The following CHD6 variants were observed in gnomAD, a reference collection of about 807,000 sequenced individuals.
The protein encoded by CHD6 is ATP-dependent chromatin remodeler CHD6.
Under a neutral mutation model 276.9 loss-of-function variants are expected in CHD6, and 50 were observed. That is an observed-to-expected ratio of 0.18 (90% CI 0.14 to 0.23). The LOEUF is 0.23. Ranked by LOEUF, CHD6 falls within the 10% of genes least tolerant of loss-of-function variation. The pLI is 1.00. For missense variants in CHD6, 2,564 were observed against 3,365.8 expected (o/e 0.76, Z 5.89); for synonymous variants, 1,173 against 1,229.3 (o/e 0.95, Z 0.96).
chr20:41,512,782 C>CAA, intron 5 of CHD6, 64 bp downstream of exon 5: 2 of 1,582,226 alleles, frequency 1.3e-6, no homozygotes, highest in Non-Finnish European at 1.7e-6. Flanking sequence ...CCAAGAAACA[C>CAA]GTCTGTCATC....
At chr20:41,497,543 G>T in intron 7 of CHD6, 42 bp from the exon 8 acceptor site, 1 of 1,320,036 alleles carries the variant, frequency 7.6e-7, no homozygotes, top group Non-Finnish European at 1.1e-6. Context: ...CACATAACTA[G>T]CAAATGATCG....
intron 27 of CHD6, among the ~76,000 whole-genome samples, chr20:41,429,271 C>T (rs975724961): frequency 6.6e-6 from 1 of 152,216 alleles, no homozygotes; most frequent in Non-Finnish European, 1.5e-5. Flanking sequence ...CAATTTCAGG[C>T]TCCAGACCAT....
rs1039436952 is a variant in CHD6, at chr20:41,514,680, G to A, written c.702+125C>T. The A allele has an allele frequency of 6.2e-6, 7 of 1,121,340 alleles. No individual in the cohort carries two copies. In the African/African-American group the frequency reaches 1.1e-4, roughly 17 times the overall value. 69.5% of individuals were successfully genotyped at this position (1,121,340 alleles called of 1,614,324 possible). A position where few individuals can be genotyped will look rare whatever the true frequency, so the allele number is the denominator to read the frequency against. On this transcript the variant is annotated intron_variant, in intron 4 of 36. Coordinates refer to ENST00000373233, the MANE Select transcript of CHD6 (RefSeq NM_032221.5). ...GTCTACCTGCTCACCCACCAAAACGGTAAAAGCCCAGCCCAGGGCTAGGGA... is the reference window on the plus strand; with the variant it reads ...GTCTACCTGCTCACCCACCAAAACGATAAAAGCCCAGCCCAGGGCTAGGGA...
In CHD6 at chr20:41,499,331, G is replaced by A. The variant is rs747494106; in HGVS notation, c.879C>T (p.Ile293=). The A allele has an allele frequency of 5.7e-5, 92 of 1,606,226 alleles. No homozygotes were observed. Among genetic ancestry groups the A allele is most frequent in the Admixed American group, 2.5e-4 (15 of 59,388 alleles). ...AEEPPEDDAN[I]IEKILASKTV... is the part of the protein sequence containing the mutation. Reference sequence around the variant, plus strand: ...TCTTAGATGCCAGGATCTTCTCAATGATGTTTGCATCATCTTCTGGAGGCT... The same window carrying A: ...TCTTAGATGCCAGGATCTTCTCAATAATGTTTGCATCATCTTCTGGAGGCT... The change falls in exon 6 of 37, where the codon ATC becomes ATT. Residue 293 remains isoleucine (I), a synonymous_variant. Transcript: ENST00000373233.
intron 27 of CHD6, among the ~76,000 whole-genome samples, chr20:41,427,177 A>G (rs1447095611): frequency 6.6e-6 from 1 of 151,390 alleles, no homozygotes; most frequent in Non-Finnish European, 1.5e-5. Flanking sequence ...TTTACTTGCT[A>G]CTTCCTGGAA....
Position 41,402,564 on chromosome 20 carries a change from T to G in CHD6, c.*2029A>C, listed in dbSNP as rs1356904599. On this transcript the variant is annotated 3_prime_UTR_variant, in exon 37 of 37. Coordinates refer to ENST00000373233, the MANE Select transcript of CHD6 (RefSeq NM_032221.5). ...ACCAGACTCTGCTGGATGTCTATAATACTCATTTGCAGTAAGGCTTTCAAG... is the reference window on the plus strand; with the variant it reads ...ACCAGACTCTGCTGGATGTCTATAAGACTCATTTGCAGTAAGGCTTTCAAG... 2 of 228,992 alleles carry G rather than the reference T, an allele frequency of 8.7e-6. No individual in the cohort carries two copies. The highest frequency in any genetic ancestry group is 2.2e-5 in the African/African-American group (1 of 45,126). The allele number at this position is 228,992 out of a possible 1,614,324, so 14.2% of individuals were successfully genotyped here. A position where few individuals can be genotyped will look rare whatever the true frequency, so the allele number is the denominator to read the frequency against.
rs74740314 is a variant in CHD6 at position 41,413,491 on chromosome 20, C to T, written c.6964G>A (p.Ala2322Thr). 6.0e-4 allele frequency: 962 copies of T among 1,591,822 alleles called. 4 individuals are homozygous for T. The African/African-American group carries it at 0.011, about 17-fold the overall frequency. ...ILEVHEDPGQ[A>T]TLSTTHPEGP... Reference sequence around the variant, plus strand: ...TCAGGGTGTGTGGTGCTCAAGGTGGCCTGCCCTGGGTCTTCATGGACTTCC... The same window carrying T: ...TCAGGGTGTGTGGTGCTCAAGGTGGTCTGCCCTGGGTCTTCATGGACTTCC... Residue 2322 changes from alanine (A) to threonine (T), a missense_variant, in exon 35 of 37, where the codon GCC becomes ACC. Coordinates refer to ENST00000373233, the MANE Select transcript of CHD6 (RefSeq NM_032221.5).
intron 1 of CHD6, among the ~76,000 whole-genome samples, chr20:41,578,540 C>G (rs2903376): frequency 6.6e-6 from 1 of 151,576 alleles, no homozygotes; most frequent in African/African-American, 2.4e-5. Context: ...ATTAGCTGGG[C>G]GTAGGGGCAG....
intron 15 of CHD6, 73 bp downstream of exon 15, chr20:41,484,279 G>A: frequency 6.6e-7 from 1 of 1,525,654 alleles, no homozygotes; most frequent in South Asian, 1.2e-5. Flanking sequence ...CAATACATGA[G>A]TTATTTGATT....
intron 17 of CHD6, among the ~76,000 whole-genome samples, chr20:41,468,792 A>G (rs1194738189): frequency 6.6e-6 from 1 of 152,042 alleles, no homozygotes; most frequent in Non-Finnish European, 1.5e-5. Flanking sequence ...AGGTGGGTGG[A>G]TCACTTGAGC....
At position 41,452,258 on chromosome 20, in the gene CHD6, A is replaced by G. The variant is rs2048261421; in HGVS notation, c.3324-233T>C. Among the ~76,000 whole-genome samples the G allele has an allele frequency of 6.6e-6, 1 of 152,174 alleles. No homozygotes were observed. The highest frequency in any genetic ancestry group is 6.5e-5 in the Admixed American group (1 of 15,286). ...ACTGAGAGCTTCATATGGCCACTACAATGTTAAAAAGGGAGGGACCAAACT... is the reference window on the plus strand; with the variant it reads ...ACTGAGAGCTTCATATGGCCACTACGATGTTAAAAAGGGAGGGACCAAACT... On this transcript the variant is annotated intron_variant, in intron 21 of 36. Coordinates refer to ENST00000373233, the MANE Select transcript of CHD6 (RefSeq NM_032221.5). This position sits in a 1 kb window ranked among gnomAD's most constrained non-coding sequence, Gnocchi z 4.2.
intron 1 of CHD6, among the ~76,000 whole-genome samples, chr20:41,568,654 T>A (rs2045384530): frequency 6.6e-6 from 1 of 152,238 alleles, no homozygotes; most frequent in South Asian, 2.1e-4. Context: ...GTAAAATTTT[T>A]AAAAACCCAA....
intron 1 of CHD6, among the ~76,000 whole-genome samples, chr20:41,570,240 G>A (rs755042520): frequency 4.6e-5 from 7 of 152,220 alleles, no homozygotes; most frequent in Non-Finnish European, 1.0e-4. Flanking sequence ...TCATTAGGTT[G>A]AATATGAAAC....
At chr20:41,447,805 C>A in intron 24 of CHD6, 77 bp downstream of exon 24, 4 of 1,038,020 alleles carry the variant, frequency 3.9e-6, no homozygotes, top group Middle Eastern at 2.1e-4. Flanking sequence ...TAAGCACAGG[C>A]AAGTTTGGCC....
chr20:41,407,046 T>G (rs2046699177), intron 36 of CHD6, among the ~76,000 whole-genome samples: 1 of 152,192 alleles, frequency 6.6e-6, no homozygotes, highest in Admixed American at 6.5e-5. Context: ...CTTGTCACAC[T>G]GGATTCCACT....
chr20:41,412,365 G>A (rs1451485169), intron 35 of CHD6, 102 bp from the exon 36 acceptor site: 1 of 1,362,288 alleles, frequency 7.3e-7, no homozygotes, highest in African/African-American at 1.4e-5. Context: ...CTCGTCAATG[G>A]TTGTCTGCAC....
chr20:41,584,704 C>T (rs982092294), intron 1 of CHD6, among the ~76,000 whole-genome samples: 13 of 151,958 alleles, frequency 8.6e-5, no homozygotes, highest in Non-Finnish European at 1.5e-4. Context: ...CATTTCTAGA[C>T]AATACATGGA....
At chr20:41,525,106 G>A (rs1331180374) in intron 3 of CHD6, among the ~76,000 whole-genome samples, 1 of 152,034 alleles carries the variant, frequency 6.6e-6, no homozygotes. Context: ...TACAAGCCTC[G>A]CCCCTGAATA....
chr20:41,567,750 A>G (rs541985099), intron 1 of CHD6, among the ~76,000 whole-genome samples: 9 of 152,268 alleles, frequency 5.9e-5, no homozygotes, highest in African/African-American at 1.9e-4. Flanking sequence ...CAAGGAGCTA[A>G]TTTTATGTTC....
Sources: gnomAD v4.1 joint callset for allele counts (sites outside exome capture counted in the v4.1 genomes callset) on GRCh38, gnomAD v4.1.1 for gene constraint, Gnocchi (gnomAD v3.1) non-coding constraint, MANE v1.5 for transcripts, NCBI Gene and HGNC (gene_info 2026-07-23, HGNC 2026-07-21) for gene names.